Variants in WWP1 observed in about 807,000 individuals in gnomAD.
WWP1 encodes WW domain containing E3 ubiquitin protein ligase 1, also known as NEDD4-like E3 ubiquitin-protein ligase WWP1.
In WWP1, 49 loss-of-function variants were observed where a neutral mutation model predicts 130.6. The observed-to-expected ratio is 0.38, with a 90% CI of 0.30 to 0.48. WWP1 has a LOEUF of 0.48. Among genes scored for constraint, WWP1 ranks in the 20% least tolerant of loss-of-function variants. WWP1 has a pLI of 0.99. For missense variants in WWP1, 809 were observed against 1,100.6 expected (o/e 0.74, Z 3.75); for synonymous variants, 332 against 367.8 (o/e 0.90, Z 1.11).
chr8:86,440,655 G>T (rs1160963919), intron 17 of WWP1: 1 of 452,454 alleles, frequency 2.2e-6, no homozygotes, highest in African/African-American at 2.0e-5. Flanking sequence ...TTAATGTCAG[G>T]GAAGTTTTCT....
intron 1 of WWP1, among the ~76,000 whole-genome samples, chr8:86,345,465 A>G (rs1822518823): frequency 1.3e-5 from 2 of 152,110 alleles, no homozygotes; most frequent in African/African-American, 4.8e-5. Context: ...GCTGGAGTGC[A>G]GTGGCGCCTT....
At position 86,417,762 on chromosome 8, in the gene WWP1, G is replaced by A. The variant is rs186923393; in HGVS notation, c.1061+5888G>A. On this transcript the variant is annotated intron_variant, in intron 9 of 24. Transcript: ENST00000517970. ...AGACATGACCAAATACAATATTTAAGTCATATAGAAATATTAATAGTTCTT... is the reference window on the plus strand; with the variant it reads ...AGACATGACCAAATACAATATTTAAATCATATAGAAATATTAATAGTTCTT... Among the ~76,000 whole-genome samples, 166 of 152,246 alleles carry A rather than the reference G, an allele frequency of 1.1e-3. 1 individual carries two copies. Among genetic ancestry groups the A allele is most frequent in the African/African-American group, 3.7e-3 (155 of 41,544 alleles).
rs193177143 is a variant in WWP1 at position 86,385,916 on chromosome 8, C to G, written c.334+4287C>G. Among the ~76,000 whole-genome samples, 108 of 152,316 alleles carry G rather than the reference C, an allele frequency of 7.1e-4. 1 individual carries two copies. The highest frequency in any genetic ancestry group is 2.5e-3 in the African/African-American group (105 of 41,558). On this transcript the variant is annotated intron_variant, in intron 5 of 24. Coordinates refer to ENST00000517970, the MANE Select transcript of WWP1 (RefSeq NM_007013.4). ...CAGTATTGAACAACACAGCCATGCA[C>G]ATGCTCACATGTCCTTACTCTTGTT... is the stretch of plus-strand genomic sequence containing the variant.
At chr8:86,377,388 C>G (rs543513961) in intron 3 of WWP1, among the ~76,000 whole-genome samples, 1 of 151,978 alleles carries the variant, frequency 6.6e-6, no homozygotes, top group South Asian at 2.1e-4. Flanking sequence ...TGAGCCACCA[C>G]GCCCAGGCTT....
chr8:86,441,209 T>C (rs1563536682), intron 17 of WWP1, among the ~76,000 whole-genome samples: 1 of 152,210 alleles, frequency 6.6e-6, no homozygotes, highest in Non-Finnish European at 1.5e-5. Flanking sequence ...TATATATGTG[T>C]CTAAACACAC....
intron 11 of WWP1, among the ~76,000 whole-genome samples, chr8:86,428,111 T>A (rs1809732555): frequency 6.6e-6 from 1 of 152,174 alleles, no homozygotes; most frequent in Non-Finnish European, 1.5e-5. Context: ...ATAATATTTT[T>A]ACTAATTTTC....
At chr8:86,428,478 C>T (rs1396528111) in intron 11 of WWP1, among the ~76,000 whole-genome samples, 1 of 152,078 alleles carries the variant, frequency 6.6e-6, no homozygotes, top group African/African-American at 2.4e-5. Context: ...TTTGAGGCAA[C>T]TTGAAGAAAC....
rs185951460 is a variant in WWP1 at position 86,465,487 on chromosome 8, A to G, written c.2670-1307A>G. On this transcript the variant is annotated intron_variant, in intron 24 of 24. Transcript: ENST00000517970. ...AAAAAAATACAAAAGTTAGCTGGCC[A>G]TGGTGGCATGCGCCTGTACTCCCAG... Among the ~76,000 whole-genome samples the G allele has an allele frequency of 1.2e-3, 181 of 152,214 alleles. 2 individuals are homozygous for G. The highest frequency in any genetic ancestry group is 0.01 in the Middle Eastern group (3 of 294).
intron 21 of WWP1, among the ~76,000 whole-genome samples, chr8:86,452,928 T>A (rs1811251748): frequency 1.3e-5 from 2 of 152,004 alleles, no homozygotes; most frequent in Non-Finnish European, 2.9e-5. Flanking sequence ...TCTTGAAGAG[T>A]TGTTGGAACA....
chr8:86,343,022 G>A (rs1822311170), intron 1 of WWP1, 92 bp downstream of exon 1: 1 of 303,412 alleles, frequency 3.3e-6, no homozygotes, highest in South Asian at 1.6e-4. Context: ...CTGGGCGCCC[G>A]GCGCCGTCCG....
chr8:86,387,347 A>G (rs1825340897), intron 5 of WWP1, among the ~76,000 whole-genome samples: 1 of 152,154 alleles, frequency 6.6e-6, no homozygotes, highest in African/African-American at 2.4e-5. Flanking sequence ...GGGAGTGCCA[A>G]AATAGCCTGT....
intron 23 of WWP1, chr8:86,461,540 T>C (rs1811767262): frequency 1.6e-6 from 1 of 625,238 alleles, no homozygotes; most frequent in African/African-American, 1.8e-5. Context: ...TTGCTCCCTA[T>C]GGTGACTGTG....
intron 20 of WWP1, among the ~76,000 whole-genome samples, chr8:86,450,412 T>C (rs377524451): frequency 4.6e-5 from 7 of 152,326 alleles, no homozygotes; most frequent in East Asian, 3.9e-4. Flanking sequence ...CAAAAGATCA[T>C]GCATAAGGCA....
At chr8:86,364,500 G>T (rs1035814705) in intron 1 of WWP1, among the ~76,000 whole-genome samples, 1 of 152,140 alleles carries the variant, frequency 6.6e-6, no homozygotes, top group Non-Finnish European at 1.5e-5. Flanking sequence ...TAAAGCAGAA[G>T]AGTTTTCTGT....
chr8:86,464,758 C>T (rs1811950858), intron 24 of WWP1, among the ~76,000 whole-genome samples: 1 of 152,086 alleles, frequency 6.6e-6, no homozygotes, highest in South Asian at 2.1e-4. Flanking sequence ...TCAAGCTGTC[C>T]TGCCTTGGCC....
intron 24 of WWP1, among the ~76,000 whole-genome samples, chr8:86,464,314 A>G (rs923278085): frequency 1.8e-4 from 28 of 152,118 alleles, no homozygotes; most frequent in African/African-American, 6.8e-4. Flanking sequence ...ATTACACCAG[A>G]TATTTAAAAG....
chr8:86,375,257 T>A (rs559130828), intron 3 of WWP1, among the ~76,000 whole-genome samples: 23 of 152,338 alleles, frequency 1.5e-4, no homozygotes, highest in Non-Finnish European at 2.5e-4. Context: ...ATTCTCTATT[T>A]GGTTATATCA....
At chr8:86,380,253 A>G (rs1217014337) in intron 3 of WWP1, among the ~76,000 whole-genome samples, 3 of 152,182 alleles carry the variant, frequency 2.0e-5, no homozygotes, top group African/African-American at 4.8e-5. Flanking sequence ...CAGTCACAAA[A>G]AAAACCCACA....
intron 7 of WWP1, among the ~76,000 whole-genome samples, chr8:86,399,817 T>C (rs1221467790): frequency 1.3e-5 from 2 of 152,162 alleles, no homozygotes; most frequent in South Asian, 2.1e-4. Context: ...GCTGGTTGGC[T>C]GGGGAGGGGT....
Sources: allele counts gnomAD v4.1 joint callset (sites outside exome capture counted in the v4.1 genomes callset), GRCh38; gene constraint gnomAD v4.1.1; transcripts MANE v1.5; gene names NCBI Gene and HGNC (gene_info 2026-07-23, HGNC 2026-07-21).